SNTG2: variants seen among roughly 807,000 people sequenced by gnomAD.
The protein encoded by SNTG2 is gamma-2-syntrophin.
A neutral mutation model predicts 70.9 loss-of-function variants in SNTG2; 74 were observed. The observed-to-expected ratio is 1.04, with a 90% CI of 0.86 to 1.27. The LOEUF is 1.27. Among genes scored for constraint, SNTG2 ranks in the 50% most tolerant of loss-of-function variants. SNTG2 has a pLI of 0.00. For synonymous variants in SNTG2, 278 were observed against 273.8 expected (o/e 1.02, Z -0.15); for missense variants, 717 against 690.7 (o/e 1.04, Z -0.43).
intron 1 of SNTG2, among the ~76,000 whole-genome samples, chr2:1,019,370 GTCA>G (rs1653250294): frequency 6.6e-6 from 1 of 152,180 alleles, no homozygotes; most frequent in Non-Finnish European, 1.5e-5. Context: ...ACGTGGCAAT[GTCA>G]TGCAGGGTTG....
chr2:1,000,319 A>G (rs2147986921), intron 1 of SNTG2, among the ~76,000 whole-genome samples: 1 of 152,088 alleles, frequency 6.6e-6, no homozygotes, highest in Middle Eastern at 3.4e-3. Context: ...AAAAAATCAT[A>G]CAAAGCATCA....
chr2:1,079,166 T>G (rs1214423807), intron 1 of SNTG2, among the ~76,000 whole-genome samples: 3 of 152,222 alleles, frequency 2.0e-5, no homozygotes, highest in Admixed American at 6.5e-5. Context: ...GCGTCCCCTC[T>G]CCTTGCTTTT....
intron 1 of SNTG2, among the ~76,000 whole-genome samples, chr2:1,029,400 G>C (rs1397183432): frequency 2.0e-5 from 3 of 152,174 alleles, no homozygotes; most frequent in Non-Finnish European, 1.5e-5. Context: ...TAAATTCACA[G>C]TGTCAGGTTT....
rs147286498 is a variant in SNTG2, at chr2:1,243,072, C to T, written c.888+3296C>T. 5.3e-5 allele frequency among the ~76,000 whole-genome samples: 8 copies of T among 152,320 alleles called. No individual in the cohort carries two copies. In the East Asian group the frequency reaches 1.5e-3, roughly 29 times the overall value. ...GTTTCCAACAATAGCAAAGCTATAA[C>T]GTATTTCTTTGCTAAATCTAGCATA... On this transcript the variant is annotated intron_variant, in intron 11 of 16. Transcript: ENST00000308624.
At chr2:1,271,553 C>T (rs1679020333) in intron 14 of SNTG2, among the ~76,000 whole-genome samples, 1 of 152,138 alleles carries the variant, frequency 6.6e-6, no homozygotes, top group African/African-American at 2.4e-5. Context: ...GTTCTTGACT[C>T]ACCCAACAAT....
At chr2:1,079,058 G>A (rs1302213250) in intron 1 of SNTG2, among the ~76,000 whole-genome samples, 1 of 152,242 alleles carries the variant, frequency 6.6e-6, no homozygotes, top group East Asian at 1.9e-4. Context: ...TCCAAGAAAT[G>A]TGTCAAGGAA....
chr2:1,222,026 TGC>T (rs1223234282), intron 9 of SNTG2, among the ~76,000 whole-genome samples: 1 of 22,504 alleles, frequency 4.4e-5, no homozygotes, highest in African/African-American at 1.1e-4. Context: ...TCTCTGTCTC[TGC>T]CTATCTCTGT....
At chr2:1,283,743 A>G (rs925915590) in intron 14 of SNTG2, among the ~76,000 whole-genome samples, 1 of 152,118 alleles carries the variant, frequency 6.6e-6, no homozygotes, top group Non-Finnish European at 1.5e-5. Flanking sequence ...CACAGTAGGT[A>G]TGCCCGGTCA....
At chr2:1,095,256 G>T (rs935294201) in intron 2 of SNTG2, among the ~76,000 whole-genome samples, 1 of 152,096 alleles carries the variant, frequency 6.6e-6, no homozygotes, top group Non-Finnish European at 1.5e-5. Context: ...GATTTTAGGG[G>T]GACACAGTCC....
chr2:1,002,285 A>T (rs1659421225), intron 1 of SNTG2, among the ~76,000 whole-genome samples: 1 of 152,178 alleles, frequency 6.6e-6, no homozygotes, highest in Non-Finnish European at 1.5e-5. Flanking sequence ...GCTTCTGCAC[A>T]GTGAAAGACA....
intron 12 of SNTG2, among the ~76,000 whole-genome samples, chr2:1,251,730 A>C (rs1035510703): frequency 4.3e-5 from 6 of 139,144 alleles, no homozygotes; most frequent in Non-Finnish European, 6.2e-5. Flanking sequence ...ATAGACACAC[A>C]CCCCCCACAG....
intron 1 of SNTG2, among the ~76,000 whole-genome samples, chr2:1,033,555 C>T (rs1660960173): frequency 6.6e-6 from 1 of 152,172 alleles, no homozygotes; most frequent in Non-Finnish European, 1.5e-5. Context: ...AAAGCTTACT[C>T]TTCCCAGCGT....
intron 1 of SNTG2, among the ~76,000 whole-genome samples, chr2:1,032,635 G>A (rs1660902288): frequency 6.6e-6 from 1 of 152,188 alleles, no homozygotes; most frequent in South Asian, 2.1e-4. Flanking sequence ...TCATGTTTCT[G>A]AATTAAGAAG....
chr2:1,034,025 A>T (rs370891424), intron 1 of SNTG2, among the ~76,000 whole-genome samples: 1 of 137,854 alleles, frequency 7.3e-6, no homozygotes, highest in Admixed American at 7.6e-5. Flanking sequence ...GTACATGTGC[A>T]GGTTTGTATA....
At chr2:977,527 G>A (rs1208100051) in intron 1 of SNTG2, among the ~76,000 whole-genome samples, 1 of 152,212 alleles carries the variant, frequency 6.6e-6, no homozygotes, top group East Asian at 1.9e-4. Context: ...TTAAGGCACC[G>A]TATCCTGCAC....
chr2:1,235,694 A>C (rs925338162), intron 9 of SNTG2, among the ~76,000 whole-genome samples: 4 of 152,184 alleles, frequency 2.6e-5, no homozygotes, highest in African/African-American at 9.7e-5. Context: ...CAGGCCCCCT[A>C]GTCTAGCTGG....
At chr2:1,136,720 A>T (rs1017594559) in intron 4 of SNTG2, among the ~76,000 whole-genome samples, 17 of 152,228 alleles carry the variant, frequency 1.1e-4, no homozygotes, top group Non-Finnish European at 2.4e-4. Context: ...TTGGGGAAAA[A>T]AGCCTTAGCT....
intron 6 of SNTG2, among the ~76,000 whole-genome samples, chr2:1,155,222 ACAC>A (rs1669808795): frequency 6.7e-6 from 1 of 149,860 alleles, no homozygotes; most frequent in African/African-American, 2.5e-5. Flanking sequence ...ACACACATAA[ACAC>A]CATGCAAATA....
At chr2:1,205,545 A>G (rs950392204) in intron 8 of SNTG2, among the ~76,000 whole-genome samples, 14 of 152,082 alleles carry the variant, frequency 9.2e-5, no homozygotes, top group Admixed American at 2.6e-4. Flanking sequence ...ATAACCTCAC[A>G]AGTTCCTTCT....
Sources: allele counts gnomAD v4.1 joint callset (sites outside exome capture counted in the v4.1 genomes callset), GRCh38; gene constraint gnomAD v4.1.1; transcripts MANE v1.5; gene names NCBI Gene and HGNC (gene_info 2026-07-23, HGNC 2026-07-21).